The following PDE1A variants were observed in gnomAD, a reference collection of about 807,000 sequenced individuals.
PDE1A encodes dual specificity calcium/calmodulin-dependent 3',5'-cyclic nucleotide phosphodiesterase 1A.
A neutral mutation model predicts 61.7 loss-of-function variants in PDE1A; 35 were observed. That is an observed-to-expected ratio of 0.57 (90% CI 0.43 to 0.75). The LOEUF (loss-of-function observed/expected upper bound fraction) is 0.75. PDE1A is among the 30% of genes least tolerant of loss of function. The pLI is 0.00. For synonymous variants in PDE1A, 232 were observed against 213.2 expected, an observed-to-expected ratio of 1.09 and a Z score of -0.77; for missense variants, 597 against 630.6, an observed-to-expected ratio of 0.95 and a Z score of 0.57.
At chr2:182,451,738 G>A (rs1283730379) in intron 2 of PDE1A, among the ~76,000 whole-genome samples, 1 of 152,114 alleles carries the variant, frequency 6.6e-6, no homozygotes, top group East Asian at 1.9e-4. Context: ...CGAAAGAGAA[G>A]CAAACTGAGG....
At chr2:182,280,553 A>G (rs565224271) in intron 1 of PDE1A, among the ~76,000 whole-genome samples, 175 of 152,130 alleles carry the variant, frequency 1.2e-3, no homozygotes, top group Non-Finnish European at 2.2e-3. Flanking sequence ...TCTAGATTGA[A>G]AAGAATTTTC....
At chr2:182,266,962 T>C (rs1175229723) in intron 1 of PDE1A, among the ~76,000 whole-genome samples, 2 of 152,174 alleles carry the variant, frequency 1.3e-5, no homozygotes, top group Non-Finnish European at 2.9e-5. Context: ...TAAGCCACAA[T>C]TATTTTGTGG....
At chr2:182,219,490 T>C (rs759647271) in intron 7 of PDE1A, among the ~76,000 whole-genome samples, 29 of 152,112 alleles carry the variant, frequency 1.9e-4, no homozygotes, top group Non-Finnish European at 2.1e-4. Context: ...CTTAAAATGG[T>C]GAACTCGTTC....
At chr2:182,521,702 C>T (rs1199100819) in intron 2 of PDE1A, among the ~76,000 whole-genome samples, 1 of 152,124 alleles carries the variant, frequency 6.6e-6, no homozygotes, top group Non-Finnish European at 1.5e-5. Flanking sequence ...TCTGTACTCT[C>T]AGGAGAAGTG....
chr2:182,357,173 A>G (rs1048600994), intron 1 of PDE1A, among the ~76,000 whole-genome samples: 5 of 152,154 alleles, frequency 3.3e-5, no homozygotes, highest in Non-Finnish European at 7.3e-5. Flanking sequence ...TAAAACTTAA[A>G]GTATAATAAA....
At chr2:182,376,576 C>T (rs1179866581) in intron 1 of PDE1A, among the ~76,000 whole-genome samples, 1 of 152,186 alleles carries the variant, frequency 6.6e-6, no homozygotes, top group African/African-American at 2.4e-5. Context: ...CCCACATTTT[C>T]TTATCTTCTT....
chr2:182,264,867 GTATATATATACATATATA>G (rs1406933050), intron 1 of PDE1A, among the ~76,000 whole-genome samples: 1 of 34,142 alleles, frequency 2.9e-5, no homozygotes, highest in African/African-American at 2.0e-4. Context: ...AGAAAATGTG[GTATATATATACATATATA>G]TATATATGTA....
intron 13 of PDE1A, among the ~76,000 whole-genome samples, chr2:182,181,379 G>A (rs1363158737): frequency 2.0e-5 from 3 of 152,090 alleles, no homozygotes. Context: ...GTTTGATGGG[G>A]GTCCACTCCA....
chr2:182,177,548 G>A lies in PDE1A; in HGVS notation c.1516+8344C>T, dbSNP rs144525894. Among the ~76,000 whole-genome samples the A allele has an allele frequency of 1.4e-3, 217 of 152,122 alleles. 2 individuals are homozygous for A. The highest frequency in any genetic ancestry group is 5.1e-3 in the African/African-American group (211 of 41,500). On this transcript the variant is annotated intron_variant, in intron 13 of 13. Coordinates refer to ENST00000351439, the Ensembl canonical transcript of PDE1A. The stretch of plus-strand genomic sequence containing the variant: ...TTCCCTATTGCTTGTTTTGGTGAGG[G>A]TTGTCAAAGATCAGATGGTTGTAGA...
intron 2 of PDE1A, among the ~76,000 whole-genome samples, chr2:182,447,411 A>T (rs1439378890): frequency 6.6e-6 from 1 of 152,034 alleles, no homozygotes; most frequent in African/African-American, 2.4e-5. Flanking sequence ...CTTTCCAGTG[A>T]CCTTCCTGAT....
the PDE1A span, among the ~76,000 whole-genome samples, chr2:182,635,124 GAA>G: frequency 0.016 from 2,260 of 145,618 alleles, 32 homozygotes; most frequent in South Asian, 0.029. Flanking sequence ...ATTGTAAATG[GAA>G]AAAAAAAAAA....
intron 2 of PDE1A, among the ~76,000 whole-genome samples, chr2:182,498,045 C>CA (rs57707793): frequency 0.078 from 4,988 of 64,196 alleles, 492 homozygotes; most frequent in African/African-American, 0.14. Context: ...GATTGCGTCT[C>CA]AAAAAAAAAA....
At chr2:182,185,952 T>C in exon 13 of PDE1A, 2 of 1,614,048 alleles carry the variant, frequency 1.2e-6, no homozygotes, top group Non-Finnish European at 1.7e-6. Context: ...ACCAGGTTGT[T>C]CTTGAAACTC....
chr2:182,365,585 C>G (rs1398823241), intron 1 of PDE1A, among the ~76,000 whole-genome samples: 1 of 151,996 alleles, frequency 6.6e-6, no homozygotes, highest in Non-Finnish European at 1.5e-5. Flanking sequence ...GCAGGCTCAT[C>G]ATGTGCTCCT....
intron 1 of PDE1A, among the ~76,000 whole-genome samples, chr2:182,379,178 GAAC>G (rs1700586394): frequency 6.6e-6 from 1 of 152,124 alleles, no homozygotes; most frequent in East Asian, 1.9e-4. Context: ...TTCCATCCTA[GAAC>G]TACTTAAATC....
chr2:182,388,165 A>G (rs1701224531), intron 1 of PDE1A, among the ~76,000 whole-genome samples: 1 of 152,238 alleles, frequency 6.6e-6, no homozygotes, highest in South Asian at 2.1e-4. Flanking sequence ...ACAACATTGT[A>G]GCACTTAAAT....
intron 1 of PDE1A, among the ~76,000 whole-genome samples, chr2:182,304,690 G>A (rs1276795352): frequency 6.6e-6 from 1 of 152,110 alleles, no homozygotes; most frequent in East Asian, 1.9e-4. Flanking sequence ...AGAAAGACAC[G>A]GGAATGGCTG....
intron 2 of PDE1A, among the ~76,000 whole-genome samples, chr2:182,260,557 A>G (rs1349571159): frequency 6.6e-6 from 1 of 152,186 alleles, no homozygotes; most frequent in Non-Finnish European, 1.5e-5. Context: ...AGCTCTTAGG[A>G]GATTTGTAAG....
intron 1 of PDE1A, among the ~76,000 whole-genome samples, chr2:182,338,484 C>T (rs1481103978): frequency 1.3e-5 from 2 of 152,188 alleles, no homozygotes; most frequent in African/African-American, 4.8e-5. Context: ...TCAGCTATCA[C>T]TGATTCCACC....
Sources: gnomAD v4.1 joint callset for allele counts (sites outside exome capture counted in the v4.1 genomes callset) on GRCh38, gnomAD v4.1.1 for gene constraint, MANE v1.5 for transcripts, NCBI Gene and HGNC (gene_info 2026-07-23, HGNC 2026-07-21) for gene names.